The following PTBP1 variants were observed in gnomAD, a reference collection of about 807,000 sequenced individuals.
PTBP1 encodes the protein polypyrimidine tract-binding protein 1.
In PTBP1, 8 loss-of-function variants were observed where a neutral mutation model predicts 59.8. The observed-to-expected ratio is 0.13, with a 90% CI of 0.08 to 0.24. The LOEUF (loss-of-function observed/expected upper bound fraction) is 0.24. Among genes scored for constraint, PTBP1 ranks in the 10% least tolerant of loss-of-function variants. The pLI is 1.00. For missense variants in PTBP1, 686 were observed against 767.0 expected (o/e 0.89, Z 1.25); for synonymous variants, 490 against 320.7 (o/e 1.53, Z -5.64).
intron 2 of PTBP1, among the ~76,000 whole-genome samples, chr19:803,296 G>A (rs904583400): frequency 6.6e-6 from 1 of 152,334 alleles, no homozygotes; most frequent in African/African-American, 2.4e-5. Flanking sequence ...GTAGCTGAGA[G>A]CCTCCCAGCC....
Position 810,889 on chromosome 19 carries a change from CT to C in PTBP1, c.*66del. 6.9e-7 allele frequency: 1 copy of C among 1,445,426 alleles called. No individual in the cohort carries two copies. 89.5% of individuals were successfully genotyped at this position (1,445,426 alleles called of 1,614,324 possible). A position where few individuals can be genotyped will look rare whatever the true frequency, so the allele number is the denominator to read the frequency against. On this transcript the variant is annotated 3_prime_UTR_variant, in exon 15 of 15. Coordinates refer to ENST00000356948, the MANE Select transcript of PTBP1 (RefSeq NM_002819.5). ...CTTCCATCATTCCAGAGAAAAGCCA[CT>C]TTAAAAACAGCTGAAGTGACCTTAG...
In PTBP1 at chr19:810,828, G is replaced by A. The variant is rs762387639; in HGVS notation, c.*2G>A. The A allele has an allele frequency of 3.2e-6, 5 of 1,548,932 alleles. No individual in the cohort carries two copies. In the Admixed American group the frequency reaches 6.8e-5, roughly 21 times the overall value. On this transcript the variant is annotated 3_prime_UTR_variant, in exon 15 of 15. Transcript: ENST00000356948. ...TCCTTCTCCAAGTCCACCATCTAGGGGCACAGGCCCCCACGGCCGGGCCCC... is the reference window on the plus strand; with the variant it reads ...TCCTTCTCCAAGTCCACCATCTAGGAGCACAGGCCCCCACGGCCGGGCCCC...
At position 806,454 on chromosome 19, in the gene PTBP1, C is replaced by G; in HGVS notation, c.1017C>G (p.Ile339Met). 1.2e-6 allele frequency: 2 copies of G among 1,600,354 alleles called. No individual in the cohort carries two copies. Among genetic ancestry groups the G allele is most frequent in the South Asian group, 1.1e-5 (1 of 90,430 alleles). Residue 339 changes from isoleucine (I) to methionine (M), a missense_variant, in exon 10 of 15, where the codon ATC becomes ATG. Physicochemically the swap from Ile to Met is conservative, Grantham distance 10. Transcript: ENST00000356948. ...ACGGCGCCCTGGCCCCCCTGGCCAT[C>G]CCCTCGGCGGCGGCGGCAGCTGCGG... is the stretch of plus-strand genomic sequence containing the variant. ...NVHGALAPLAIPSAAAAAAAA... is the reference protein window; with the variant it reads ...NVHGALAPLAMPSAAAAAAAA...
chr19:801,595 C>T (rs968002574), intron 2 of PTBP1, among the ~76,000 whole-genome samples: 1 of 152,240 alleles, frequency 6.6e-6, no homozygotes, highest in African/African-American at 2.4e-5. Flanking sequence ...CACTCTCCAG[C>T]TTGGGGGAGG....
chr19:803,488 A>T, intron 2 of PTBP1, 73 bp from the exon 3 acceptor site: 1 of 1,320,642 alleles, frequency 7.6e-7, no homozygotes, highest in East Asian at 2.3e-5. Flanking sequence ...AAGTGGGAGC[A>T]GGGCCGGCCG....
At position 800,673 on chromosome 19, in the gene PTBP1, G is replaced by T. The variant is rs1006161164; in HGVS notation, c.39+1230G>T. ...GCTGTCTTTACGCGCTGCCTGCCCC[G>T]ATCTTCCTGGAGATAAAACCTGTTT... On this transcript the variant is annotated intron_variant, in intron 2 of 14. Coordinates refer to ENST00000356948, the MANE Select transcript of PTBP1 (RefSeq NM_002819.5). 2.6e-5 allele frequency among the ~76,000 whole-genome samples: 4 copies of T among 152,208 alleles called. No homozygotes were observed. The South Asian group carries it at 6.2e-4, about 24-fold the overall frequency.
rs555507580 is a variant in PTBP1, at chr19:810,510, C to T, written c.1464-33C>T. The T allele has an allele frequency of 2.3e-5, 36 of 1,594,572 alleles. No homozygotes were observed. The South Asian group carries it at 3.2e-4, about 14-fold the overall frequency. ...CTGACTGGGCGCCCCCACCCCCACG[C>T]GGCCCCAGGCTCACGCCTTTCTCCT... On this transcript the variant is annotated intron_variant, in intron 13 of 14. Transcript: ENST00000356948.
chr19:798,705 T>G (rs2034191516), intron 1 of PTBP1, among the ~76,000 whole-genome samples: 1 of 152,174 alleles, frequency 6.6e-6, no homozygotes, highest in Admixed American at 6.5e-5. Context: ...GGAGTTGCAG[T>G]GGCCGGGAGA....
At chr19:801,159 C>G (rs1461751986) in intron 2 of PTBP1, among the ~76,000 whole-genome samples, 2 of 152,202 alleles carry the variant, frequency 1.3e-5, no homozygotes, top group Admixed American at 6.5e-5. Context: ...CAGCTGCAGA[C>G]TGGAAGTCCT....
At chr19:806,898 T>G in intron 10 of PTBP1, 1 of 205,350 alleles carries the variant, frequency 4.9e-6, no homozygotes, top group Non-Finnish European at 9.7e-6. Context: ...CACACAGGGT[T>G]AGCGCGGCGG....
At chr19:799,243 C>G (rs2034221509) in intron 1 of PTBP1, 170 bp from the exon 2 acceptor site, 4 of 752,272 alleles carry the variant, frequency 5.3e-6, no homozygotes, top group Non-Finnish European at 9.7e-6. Flanking sequence ...GGACGGCTCA[C>G]TTCCCTGCCC....
Position 808,508 on chromosome 19 carries a change from C to G in PTBP1, c.1247-38C>G, listed in dbSNP as rs376880777. The G allele has an allele frequency of 2.6e-6, 4 of 1,559,188 alleles. No homozygotes were observed. Among genetic ancestry groups the G allele is most frequent in the Non-Finnish European group, 3.5e-6 (4 of 1,153,602 alleles). On this transcript the variant is annotated intron_variant, in intron 12 of 14. Coordinates refer to ENST00000356948, the MANE Select transcript of PTBP1 (RefSeq NM_002819.5). This position sits in a 1 kb window ranked among gnomAD's most constrained non-coding sequence, Gnocchi z 4.7. ...GGGGCAGGGGCGGGGGCTGCGTTCC[C>G]TCTCGGGCGCCTGGTCACGCGGGTG... is the stretch of plus-strand genomic sequence containing the variant.
chr19:805,006 C>T lies in PTBP1; in HGVS notation c.718-7C>T, dbSNP rs757193708. The T allele has an allele frequency of 2.6e-5, 42 of 1,613,282 alleles. No individual in the cohort carries two copies. In the Middle Eastern group the frequency reaches 3.0e-3, roughly 114 times the overall value. ...CCGGCGACGTCTCACGGTCCCTCTCCCCTCAGTCGCTGGACGGGCAGAACA... is the reference window on the plus strand; with the variant it reads ...CCGGCGACGTCTCACGGTCCCTCTCTCCTCAGTCGCTGGACGGGCAGAACA... On this transcript the variant is annotated splice_polypyrimidine_tract_variant and splice_region_variant and intron_variant, in intron 7 of 14. Coordinates refer to ENST00000356948, the MANE Select transcript of PTBP1 (RefSeq NM_002819.5).
Position 808,778 on chromosome 19 carries a change from G to T in PTBP1, c.1463+16G>T. ...CCAACATCCCGTGAGTGCTGGGCCG[G>T]GGGGCTCATGGGGCCGGGGGCGGGC... On this transcript the variant is annotated intron_variant, in intron 13 of 14. Transcript: ENST00000356948. This position sits in a 1 kb window ranked among gnomAD's most constrained non-coding sequence, Gnocchi z 4.7. The T allele has an allele frequency of 6.5e-7, 1 of 1,538,492 alleles. No homozygotes were observed. Among genetic ancestry groups the T allele is most frequent in the Non-Finnish European group, 8.9e-7 (1 of 1,121,302 alleles).
At position 804,821 on chromosome 19, in the gene PTBP1, A is replaced by T; in HGVS notation, c.607-8A>T. On this transcript the variant is annotated splice_polypyrimidine_tract_variant and splice_region_variant and intron_variant, in intron 6 of 14. Transcript: ENST00000356948. ...GCAGGAGCTCATGCTGTGGCCCGGGACCTGCAGATTTTCTCCAAGTTCGGC... is the reference window on the plus strand; with the variant it reads ...GCAGGAGCTCATGCTGTGGCCCGGGTCCTGCAGATTTTCTCCAAGTTCGGC... 6.2e-7 allele frequency: 1 copy of T among 1,611,938 alleles called. No individual in the cohort carries two copies. The highest frequency in any genetic ancestry group is 8.5e-7 in the Non-Finnish European group (1 of 1,178,144).
rs761713061 is a variant in PTBP1, at chr19:808,187, A to T, written c.1154-173A>T. 3 of 659,336 alleles carry T rather than the reference A, an allele frequency of 4.6e-6. No homozygotes were observed. In the South Asian group the frequency reaches 5.5e-5, roughly 12 times the overall value. 40.8% of individuals were successfully genotyped at this position (659,336 alleles called of 1,614,324 possible). ...TGGATGCTATGACTTTGCTGAACGG[A>T]GCTGCTCCTGTTAGCGCGCCCTGTG... On this transcript the variant is annotated intron_variant, in intron 11 of 14. Coordinates refer to ENST00000356948, the MANE Select transcript of PTBP1 (RefSeq NM_002819.5). This position sits in a 1 kb window ranked among gnomAD's most constrained non-coding sequence, Gnocchi z 4.7.
Position 810,562 on chromosome 19 carries a change from G to A in PTBP1, c.1483G>A (p.Asp495Asn). ...CCACAGGCCCTCAGTCTCCGAGGAG[G>A]ATCTCAAGGTCCTGTTTTCCAGCAA... is the stretch of plus-strand genomic sequence containing the variant. ...SNIPPSVSEEDLKVLFSSNGG... is the reference protein window; with the variant it reads ...SNIPPSVSEENLKVLFSSNGG... The change falls in exon 14 of 15, where the codon GAT (aspartate) becomes AAT (asparagine). Residue 495 changes from aspartate to asparagine, a missense_variant. Asp to Asn is a conservative substitution (Grantham distance 23). Transcript: ENST00000356948. The A allele has an allele frequency of 1.2e-6, 2 of 1,613,448 alleles. No individual in the cohort carries two copies. The highest frequency in any genetic ancestry group is 8.5e-7 in the Non-Finnish European group (1 of 1,179,800).
chr19:803,778 G>C (rs1375785742), intron 3 of PTBP1, 142 bp downstream of exon 3: 1 of 853,524 alleles, frequency 1.2e-6, no homozygotes, highest in Non-Finnish European at 1.8e-6. Flanking sequence ...CCAAGTTCTC[G>C]CTGCAGAGAA....
rs1249299700 is a variant in PTBP1 at position 804,917 on chromosome 19, T to C, written c.695T>C (p.Val232Ala). 3 of 1,613,788 alleles carry C rather than the reference T, an allele frequency of 1.9e-6. No individual in the cohort carries two copies. Among genetic ancestry groups the C allele is most frequent in the Non-Finnish European group, 2.5e-6 (3 of 1,179,840 alleles). The change falls in exon 7 of 15, where the codon GTG becomes GCG. Residue 232 changes from valine (V) to alanine (A), a missense_variant. Physicochemically the swap from Val to Ala is moderately conservative, Grantham distance 64 (BLOSUM62 0). Transcript: ENST00000356948. ...GCCCTGCTGCAGTATGCGGACCCCG[T>C]GAGCGCCCAGCACGCCAAGCTGGTG... ...FQALLQYADP[V>A]SAQHAKLSLD...
Sources: gnomAD v4.1 joint callset for allele counts (sites outside exome capture counted in the v4.1 genomes callset) on GRCh38, gnomAD v4.1.1 for gene constraint, Gnocchi (gnomAD v3.1) non-coding constraint, MANE v1.5 for transcripts, NCBI Gene and HGNC (gene_info 2026-07-23, HGNC 2026-07-21) for gene names.